The following SLC8A1 variants were observed in gnomAD, a reference collection of about 807,000 sequenced individuals.
The protein encoded by SLC8A1 is solute carrier family 8 member A1.
In SLC8A1, 18 loss-of-function variants were observed where a neutral mutation model predicts 68.3. That is an observed-to-expected ratio of 0.26 (90% CI 0.18 to 0.39). SLC8A1 has a LOEUF of 0.39. SLC8A1 is among the 10% of genes least tolerant of loss of function. The probability of loss-of-function intolerance (pLI) is 1.00; values close to 1 mark genes in which losing one functional copy is unlikely to be tolerated. For synonymous variants in SLC8A1, 475 were observed against 415.5 expected (o/e 1.14, Z -1.74); for missense variants, 985 against 1,156.7 (o/e 0.85, Z 2.15).
chr2:40,309,035 G>A (rs964207675), intron 2 of SLC8A1, among the ~76,000 whole-genome samples: 1 of 152,050 alleles, frequency 6.6e-6, no homozygotes, highest in Non-Finnish European at 1.5e-5. Flanking sequence ...TAGACATGGT[G>A]AAATAACTAG....
exon 2 of SLC8A1, chr2:40,428,626 C>T (rs1697508917): frequency 2.5e-6 from 4 of 1,613,724 alleles, no homozygotes; most frequent in African/African-American, 1.3e-5. Context: ...GATGCCAATG[C>T]TCTCACTCAC....
At chr2:40,163,381 G>T (rs2046017210) in intron 5 of SLC8A1, among the ~76,000 whole-genome samples, 1 of 152,172 alleles carries the variant, frequency 6.6e-6, no homozygotes, top group Non-Finnish European at 1.5e-5. Context: ...CAGGCAAAGG[G>T]CAGGGGCAAG....
At chr2:40,131,444 C>T (rs2039312195) in intron 7 of SLC8A1, among the ~76,000 whole-genome samples, 1 of 152,170 alleles carries the variant, frequency 6.6e-6, no homozygotes, top group South Asian at 2.1e-4. Context: ...TGCTGTCCTT[C>T]AAGGGAGCTC....
exon 8 of SLC8A1, chr2:40,101,292 T>A (rs1198798821): frequency 6.6e-6 from 1 of 152,176 alleles, no homozygotes; most frequent in Non-Finnish European, 1.5e-5. Context: ...AAACTAAAAC[T>A]CACTCATAGC....
At chr2:40,285,342 C>T (rs549868660) in intron 2 of SLC8A1, among the ~76,000 whole-genome samples, 15 of 152,156 alleles carry the variant, frequency 9.9e-5, no homozygotes, top group Admixed American at 1.3e-4. Context: ...CAGACCCATG[C>T]TTTCAGTAGT....
At chr2:40,184,236 T>C (rs928314781) in intron 2 of SLC8A1, among the ~76,000 whole-genome samples, 1 of 152,118 alleles carries the variant, frequency 6.6e-6, no homozygotes, top group Non-Finnish European at 1.5e-5. Flanking sequence ...GTGCTTCTAA[T>C]ATGCAGCCAG....
rs185514566 is a variant in SLC8A1 at position 40,500,918 on chromosome 2, C to G, written c.-25+11431G>C. Among the ~76,000 whole-genome samples the G allele has an allele frequency of 5.7e-4, 83 of 145,612 alleles. No individual in the cohort carries two copies. The East Asian group carries it at 0.015, about 27-fold the overall frequency. On this transcript the variant is annotated intron_variant, in intron 1 of 7. Transcript: ENST00000402441. ...ATCATTTATTTCTCAGCTCATAATC[C>G]TCCAGTGGCTTCTAGGACCCTCAGC...
At chr2:40,178,035 T>G (rs1160739548) in intron 2 of SLC8A1, among the ~76,000 whole-genome samples, 2 of 152,182 alleles carry the variant, frequency 1.3e-5, no homozygotes, top group African/African-American at 4.8e-5. Context: ...TAAGTTTTCT[T>G]TGCTAATTTA....
At chr2:40,171,152 C>CT (rs1390986194) in intron 4 of SLC8A1, among the ~76,000 whole-genome samples, 1 of 152,202 alleles carries the variant, frequency 6.6e-6, no homozygotes, top group Non-Finnish European at 1.5e-5. Context: ...TGGGCAAGGT[C>CT]TTTCTCCTCT....
Position 40,357,508 on chromosome 2 carries a change from A to AAAC in SLC8A1, c.1808+70964_1808+70965insGTT, listed in dbSNP as rs1186623761. 2.0e-3 allele frequency among the ~76,000 whole-genome samples: 306 copies of AAAC among 151,516 alleles called. 4 individuals are homozygous for AAAC. Among genetic ancestry groups the AAAC allele is most frequent in the African/African-American group, 6.6e-3 (272 of 41,318 alleles). ...CCAGACCCTGTCTTTAAAAAAAAAA[A>AAAC]AAAAAAAAACACAAGATGTAAACAG... is the stretch of plus-strand genomic sequence containing the variant. On this transcript the variant is annotated intron_variant, in intron 2 of 7. Coordinates refer to ENST00000406785, the Ensembl canonical transcript of SLC8A1.
chr2:40,225,856 A>G (rs1315959248), intron 2 of SLC8A1, among the ~76,000 whole-genome samples: 2 of 152,170 alleles, frequency 1.3e-5, no homozygotes, highest in Non-Finnish European at 2.9e-5. Flanking sequence ...GTGAGCTGCC[A>G]GACACAGACA....
chr2:40,327,117 C>G (rs2075910620), intron 2 of SLC8A1, among the ~76,000 whole-genome samples: 1 of 152,138 alleles, frequency 6.6e-6, no homozygotes, highest in African/African-American at 2.4e-5. Flanking sequence ...TTAATTTATT[C>G]CCTTTCAATC....
intron 1 of SLC8A1, among the ~76,000 whole-genome samples, chr2:40,467,705 C>T (rs534583464): frequency 2.0e-5 from 3 of 152,202 alleles, no homozygotes; most frequent in Non-Finnish European, 4.4e-5. Context: ...TTAATTAAAT[C>T]CCAATTAATT....
At chr2:40,225,236 G>A (rs945439986) in intron 2 of SLC8A1, among the ~76,000 whole-genome samples, 6 of 152,148 alleles carry the variant, frequency 3.9e-5, no homozygotes, top group Admixed American at 3.9e-4. Context: ...GGCTAGTTGT[G>A]TGACTGTGGG....
chr2:40,508,244 G>C (rs1344910470), intron 1 of SLC8A1, among the ~76,000 whole-genome samples: 2 of 151,554 alleles, frequency 1.3e-5, no homozygotes, highest in Non-Finnish European at 2.9e-5. Flanking sequence ...AAAACACCTG[G>C]TTCAGAAAAT....
At chr2:40,402,206 T>C (rs1456757916) in intron 2 of SLC8A1, among the ~76,000 whole-genome samples, 2 of 152,154 alleles carry the variant, frequency 1.3e-5, no homozygotes, top group African/African-American at 4.8e-5. Context: ...TATATGCTAA[T>C]TATAATGTAT....
intron 1 of SLC8A1, among the ~76,000 whole-genome samples, chr2:40,444,228 A>T (rs1196620870): frequency 3.3e-5 from 5 of 152,108 alleles, no homozygotes; most frequent in Non-Finnish European, 5.9e-5. Flanking sequence ...GGTCCCAGCT[A>T]CTCAGGAGGC....
intron 1 of SLC8A1, among the ~76,000 whole-genome samples, chr2:40,437,041 G>A (rs553547965): frequency 2.8e-4 from 42 of 152,106 alleles, no homozygotes; most frequent in Non-Finnish European, 5.0e-4. Flanking sequence ...CTTTTCTGAC[G>A]ATACTACAAG....
At chr2:40,186,347 T>C (rs1332397047) in intron 2 of SLC8A1, among the ~76,000 whole-genome samples, 1 of 150,776 alleles carries the variant, frequency 6.6e-6, no homozygotes, top group East Asian at 1.9e-4. Flanking sequence ...TTTAAATTCC[T>C]GGTGCATTTT....
Sources: gnomAD v4.1 joint callset for allele counts (sites outside exome capture counted in the v4.1 genomes callset) on GRCh38, gnomAD v4.1.1 for gene constraint, MANE v1.5 for transcripts, NCBI Gene and HGNC (gene_info 2026-07-23, HGNC 2026-07-21) for gene names.